Variants in DGKB observed in about 807,000 individuals in gnomAD.
The protein encoded by DGKB is 90 kDa diacylglycerol kinase.
DGKB carries 67 observed loss-of-function variants against 114.3 expected under a neutral mutation model. The observed-to-expected ratio is 0.59, with a 90% CI of 0.48 to 0.72. DGKB has a LOEUF of 0.72. DGKB is among the 30% of genes least tolerant of loss of function. The pLI is 0.00. For missense variants in DGKB, 907 were observed against 975.2 expected (o/e 0.93, Z 0.93); for synonymous variants, 398 against 323.1 (o/e 1.23, Z -2.49).
At chr7:14,538,085 CAAAA>C (rs58405374) in intron 20 of DGKB, among the ~76,000 whole-genome samples, 2,008 of 44,690 alleles carry the variant, frequency 0.045, 36 homozygotes, top group African/African-American at 0.13. Flanking sequence ...ATCTCTGTCT[CAAAA>C]AAAAAAAAAA....
intron 23 of DGKB, among the ~76,000 whole-genome samples, chr7:14,318,336 A>G (rs972616862): frequency 2.6e-5 from 4 of 151,768 alleles, no homozygotes; most frequent in African/African-American, 9.7e-5. Flanking sequence ...AACTACCATC[A>G]GAGTGAACAG....
intron 21 of DGKB, among the ~76,000 whole-genome samples, chr7:14,466,255 A>G (rs533968284): frequency 6.6e-6 from 1 of 152,274 alleles, no homozygotes; most frequent in East Asian, 1.9e-4. Flanking sequence ...GCTTTGGACC[A>G]TACTTAAAAT....
intron 23 of DGKB, among the ~76,000 whole-genome samples, chr7:14,183,813 G>A (rs1216428301): frequency 6.6e-6 from 1 of 152,172 alleles, no homozygotes; most frequent in Non-Finnish European, 1.5e-5. Context: ...CAGGAGGCAG[G>A]ACTAGATTGC....
intron 21 of DGKB, among the ~76,000 whole-genome samples, chr7:14,354,937 G>A (rs932453735): frequency 2.1e-4 from 32 of 152,306 alleles, no homozygotes; most frequent in African/African-American, 7.7e-4. Context: ...TTGCCAAGAT[G>A]AGAGTGAGAC....
chr7:14,688,466 T>A (rs1822106532), intron 9 of DGKB, among the ~76,000 whole-genome samples: 1 of 152,166 alleles, frequency 6.6e-6, no homozygotes, highest in Admixed American at 6.5e-5. Context: ...AGAAGACGGG[T>A]GTTATATAAA....
At chr7:14,580,532 A>G (rs1198560379) in intron 19 of DGKB, among the ~76,000 whole-genome samples, 1 of 152,204 alleles carries the variant, frequency 6.6e-6, no homozygotes. Flanking sequence ...TTATAAATGA[A>G]AAGTATAAAA....
At chr7:14,939,413 T>G (rs1785444677) in intron 1 of DGKB, among the ~76,000 whole-genome samples, 1 of 151,926 alleles carries the variant, frequency 6.6e-6, no homozygotes, top group Non-Finnish European at 1.5e-5. Flanking sequence ...GTAGACAAAA[T>G]CCCCTCTCCT....
chr7:14,537,250 C>T (rs1389667111), intron 20 of DGKB, among the ~76,000 whole-genome samples: 1 of 151,890 alleles, frequency 6.6e-6, no homozygotes, highest in African/African-American at 2.4e-5. Context: ...AGCTAAAATT[C>T]ATCTATATAT....
intron 23 of DGKB, among the ~76,000 whole-genome samples, chr7:14,188,819 A>C (rs35915890): frequency 0.29 from 44,395 of 151,974 alleles, 8,443 homozygotes; most frequent in African/African-American, 0.55. Context: ...GGGAATCTGC[A>C]TCACACTATT....
At chr7:14,470,251 A>AAAAC (rs1781083562) in intron 21 of DGKB, among the ~76,000 whole-genome samples, 1 of 151,910 alleles carries the variant, frequency 6.6e-6, no homozygotes, top group Non-Finnish European at 1.5e-5. Context: ...GATTTTATTC[A>AAAAC]AAACACTAAA....
At chr7:14,574,073 T>G (rs1248532038) in intron 20 of DGKB, 139 bp downstream of exon 20, 2 of 580,996 alleles carry the variant, frequency 3.4e-6, no homozygotes, top group East Asian at 2.8e-5. Context: ...CAATAATAAT[T>G]GCCTATTAGA....
At chr7:14,218,350 G>A (rs1789340465) in intron 23 of DGKB, among the ~76,000 whole-genome samples, 2 of 152,004 alleles carry the variant, frequency 1.3e-5, no homozygotes, top group Non-Finnish European at 2.9e-5. Flanking sequence ...GATACATCTT[G>A]ATCAAGATTA....
At chr7:14,794,960 T>C (rs1841194451) in intron 2 of DGKB, among the ~76,000 whole-genome samples, 1 of 152,140 alleles carries the variant, frequency 6.6e-6, no homozygotes. Flanking sequence ...GGCCTTACAT[T>C]GCCTAAGGAA....
chr7:14,603,984 A>G (rs975396362), intron 17 of DGKB, among the ~76,000 whole-genome samples: 2 of 152,170 alleles, frequency 1.3e-5, no homozygotes, highest in Admixed American at 1.3e-4. Context: ...GTGTACAGCT[A>G]GAGCTATACA....
chr7:14,809,305 C>T (rs1843136165), intron 2 of DGKB, among the ~76,000 whole-genome samples: 2 of 151,974 alleles, frequency 1.3e-5, no homozygotes, highest in Non-Finnish European at 1.5e-5. Context: ...TGCTATAGTC[C>T]TAGTGCTCCT....
chr7:14,845,784 G>T (rs1045814060), intron 1 of DGKB, among the ~76,000 whole-genome samples: 1 of 151,170 alleles, frequency 6.6e-6, no homozygotes, highest in Non-Finnish European at 1.5e-5. Flanking sequence ...CTGGGTTTCA[G>T]TTTTCCTAGG....
intron 23 of DGKB, among the ~76,000 whole-genome samples, chr7:14,324,599 C>A (rs567032876): frequency 6.6e-6 from 1 of 151,882 alleles, no homozygotes; most frequent in Non-Finnish European, 1.5e-5. Flanking sequence ...ATGTCATTTG[C>A]GGTGATGGAA....
intron 1 of DGKB, among the ~76,000 whole-genome samples, chr7:14,935,860 G>A (rs533618763): frequency 2.6e-5 from 4 of 151,962 alleles, no homozygotes; most frequent in African/African-American, 7.2e-5. Flanking sequence ...GATCCTTGTT[G>A]AAATGTAGAT....
chr7:14,400,683 G>T lies in DGKB; in HGVS notation c.1836-55292C>A, dbSNP rs140220821. Among the ~76,000 whole-genome samples, 103 of 151,010 alleles carry T rather than the reference G, an allele frequency of 6.8e-4. 1 individual carries two copies. The highest frequency in any genetic ancestry group is 3.4e-3 in the Middle Eastern group (1 of 292). On this transcript the variant is annotated intron_variant, in intron 21 of 25. Transcript: ENST00000402815. The stretch of plus-strand genomic sequence containing the variant: ...AATGCAGCTATTTCCTTTGATTTGA[G>T]TTCAAGCAGAAAGGCTAAAATGAAA...
Sources: gnomAD v4.1 joint callset for allele counts (sites outside exome capture counted in the v4.1 genomes callset) on GRCh38, gnomAD v4.1.1 for gene constraint, MANE v1.5 for transcripts, NCBI Gene and HGNC (gene_info 2026-07-23, HGNC 2026-07-21) for gene names.